The following BASP1 variants were observed in gnomAD, a reference collection of about 807,000 sequenced individuals.
BASP1 encodes the protein brain acid soluble protein 1.
A neutral mutation model predicts 2.2 loss-of-function variants in BASP1; 1 was observed. That is an observed-to-expected ratio of 0.46 (90% CI 0.16 to 2.17). The LOEUF is 2.17. Ranked by LOEUF, BASP1 falls within the 30% of genes most tolerant of loss-of-function variation. The probability of loss-of-function intolerance (pLI) is 0.27; values close to 1 mark genes in which losing one functional copy is unlikely to be tolerated. For synonymous variants in BASP1, 187 were observed against 154.2 expected, an observed-to-expected ratio of 1.21 and a Z score of -1.58; for missense variants, 352 against 327.2, an observed-to-expected ratio of 1.08 and a Z score of -0.58.
intron 1 of BASP1, among the ~76,000 whole-genome samples, chr5:17,269,840 G>A (rs761195819): frequency 2.6e-5 from 4 of 152,130 alleles, no homozygotes; most frequent in Non-Finnish European, 5.9e-5. Context: ...CTGTAGACCA[G>A]GTTTTTACCC....
chr5:17,232,013 G>A (rs1339713523), intron 1 of BASP1, among the ~76,000 whole-genome samples: 1 of 152,206 alleles, frequency 6.6e-6, no homozygotes, highest in African/African-American at 2.4e-5. Flanking sequence ...ATGAATAGCT[G>A]ATGAACTCCA....
chr5:17,260,078 T>G lies in BASP1; in HGVS notation c.-9-15130T>G, dbSNP rs1400188301. On this transcript the variant is annotated intron_variant, in intron 1 of 1. Transcript: ENST00000322611. The surrounding 1 kb of genome is among the most constrained non-coding windows in gnomAD (Gnocchi z 4.2). ...CAGGTGATTCATGTAAAATCATATG[T>G]TAGGCTGCAATAACTGGGGCTTTTG... Among the ~76,000 whole-genome samples the G allele has an allele frequency of 1.3e-5, 2 of 152,164 alleles. No homozygotes were observed. Among genetic ancestry groups the G allele is most frequent in the African/African-American group, 2.4e-5 (1 of 41,442 alleles).
At chr5:17,248,781 TA>T (rs1554027642) in intron 1 of BASP1, among the ~76,000 whole-genome samples, 1 of 152,180 alleles carries the variant, frequency 6.6e-6, no homozygotes, top group Admixed American at 6.5e-5. Flanking sequence ...CATAATCTCT[TA>T]AAAAATATGT....
At chr5:17,238,714 T>A (rs1364454545) in intron 1 of BASP1, among the ~76,000 whole-genome samples, 1 of 152,234 alleles carries the variant, frequency 6.6e-6, no homozygotes, top group Non-Finnish European at 1.5e-5. Context: ...TGCTTTCTGA[T>A]AAATATCTGA....
intron 1 of BASP1, among the ~76,000 whole-genome samples, chr5:17,249,295 G>A (rs1233990204): frequency 6.6e-6 from 1 of 152,124 alleles, no homozygotes; most frequent in Non-Finnish European, 1.5e-5. Flanking sequence ...AGCAAATTTG[G>A]TCAAAACAAG....
chr5:17,239,672 T>C (rs1261069421), intron 1 of BASP1, among the ~76,000 whole-genome samples: 1 of 152,204 alleles, frequency 6.6e-6, no homozygotes, highest in Non-Finnish European at 1.5e-5. Context: ...AAGCTGATCC[T>C]AGTTAGGACC....
In BASP1 at chr5:17,245,644, C is replaced by CT. The variant is rs532871092; in HGVS notation, c.-10+27846dup. ...TTAGTAGGCTCTGTGTAGAAAGTTA[C>CT]TTTTTTTTTTTTCTCTAGGCAGAAA... On this transcript the variant is annotated intron_variant, in intron 1 of 1. Transcript: ENST00000322611. Among the ~76,000 whole-genome samples, 220 of 144,540 alleles carry CT rather than the reference C, an allele frequency of 1.5e-3. 2 individuals carry two copies. Among genetic ancestry groups the CT allele is most frequent in the South Asian group, 3.9e-3 (18 of 4,616 alleles). 94.8% of individuals were successfully genotyped at this position (144,540 alleles called of 152,430 possible).
intron 1 of BASP1, among the ~76,000 whole-genome samples, chr5:17,225,931 T>C (rs1157161169): frequency 1.3e-5 from 2 of 152,242 alleles, no homozygotes; most frequent in Non-Finnish European, 2.9e-5. Context: ...CATAAGTGCT[T>C]AAGATGCTAA....
intron 1 of BASP1, among the ~76,000 whole-genome samples, chr5:17,237,762 C>A (rs1254619418): frequency 2.0e-5 from 3 of 152,026 alleles, no homozygotes; most frequent in African/African-American, 7.2e-5. Context: ...AGGCATGCAC[C>A]ACCATGCCTG....
chr5:17,248,615 G>T (rs1392467666), intron 1 of BASP1, among the ~76,000 whole-genome samples: 1 of 152,058 alleles, frequency 6.6e-6, no homozygotes, highest in African/African-American at 2.4e-5. Flanking sequence ...GCATACATTT[G>T]AGGGTTAATA....
At chr5:17,222,884 A>G (rs1464679967) in intron 1 of BASP1, among the ~76,000 whole-genome samples, 1 of 152,182 alleles carries the variant, frequency 6.6e-6, no homozygotes, top group African/African-American at 2.4e-5. Context: ...GAGATTTAGA[A>G]ATAGAAACCA....
intron 1 of BASP1, among the ~76,000 whole-genome samples, chr5:17,225,819 T>C (rs1739490739): frequency 2.0e-5 from 3 of 152,240 alleles, no homozygotes; most frequent in Admixed American, 1.3e-4. Flanking sequence ...TACAACGGGA[T>C]GTTTAATCTT....
intron 1 of BASP1, among the ~76,000 whole-genome samples, chr5:17,218,131 A>G (rs547371380): frequency 1.3e-5 from 2 of 151,742 alleles, no homozygotes; most frequent in Non-Finnish European, 2.9e-5. Flanking sequence ...TGACGGGAGG[A>G]ATTGCCGAAT....
intron 1 of BASP1, among the ~76,000 whole-genome samples, chr5:17,248,998 A>G (rs888055982): frequency 3.3e-5 from 5 of 152,220 alleles, no homozygotes; most frequent in South Asian, 4.1e-4. Flanking sequence ...GCAAAATTAT[A>G]TATGTGTTGC....
chr5:17,257,680 T>C (rs944446185), intron 1 of BASP1, among the ~76,000 whole-genome samples: 5 of 152,220 alleles, frequency 3.3e-5, no homozygotes, highest in Admixed American at 6.5e-5. Flanking sequence ...TGTGCTTTTT[T>C]TCACAGAGTA....
intron 1 of BASP1, among the ~76,000 whole-genome samples, chr5:17,271,081 C>T (rs1049948393): frequency 1.3e-5 from 2 of 152,146 alleles, no homozygotes; most frequent in Admixed American, 6.5e-5. Flanking sequence ...CTGTCATTTT[C>T]GCCCTTGTGG....
intron 1 of BASP1, among the ~76,000 whole-genome samples, chr5:17,272,568 T>A (rs1438443303): frequency 6.6e-6 from 1 of 152,164 alleles, no homozygotes; most frequent in Non-Finnish European, 1.5e-5. Context: ...GTAGGCAAGG[T>A]CTTCACGCAT....
chr5:17,258,196 C>T (rs142274079), intron 1 of BASP1, among the ~76,000 whole-genome samples: 206 of 152,046 alleles, frequency 1.4e-3, no homozygotes, highest in East Asian at 0.012. Flanking sequence ...TCACTGGGGC[C>T]GACACCACCT....
upstream of BASP1, chr5:17,217,097 T>TGAGAGAGTGAGAGAGAGAGA: frequency 1.1e-5 from 1 of 90,806 alleles, no homozygotes; most frequent in African/African-American, 5.6e-5. Context: ...AGAGAGAGAG[T>TGAGAGAGTGAGAGAGAGAGA]GAGTGAGAGA....
Sources: allele counts gnomAD v4.1 joint callset (sites outside exome capture counted in the v4.1 genomes callset), GRCh38; gene constraint gnomAD v4.1.1; non-coding constraint Gnocchi (gnomAD v3.1); transcripts MANE v1.5; gene names NCBI Gene and HGNC (gene_info 2026-07-23, HGNC 2026-07-21).